Variants in FAIM observed in about 807,000 individuals in gnomAD.
The protein encoded by FAIM is Fas apoptotic inhibitory molecule.
A neutral mutation model predicts 21.2 loss-of-function variants in FAIM; 14 were observed. The ratio of observed to expected loss-of-function variants is 0.66; its 90% CI spans 0.44 to 1.03. The LOEUF (loss-of-function observed/expected upper bound fraction) is 1.03. FAIM is among the 50% of genes least tolerant of loss of function. The pLI, the probability that FAIM is intolerant of heterozygous loss-of-function variation, is 0.00. For missense variants in FAIM, 222 were observed against 247.1 expected, an observed-to-expected ratio of 0.90 and a Z score of 0.68; for synonymous variants, 86 against 80.4, an observed-to-expected ratio of 1.07 and a Z score of -0.37.
chr3:138,633,093 TAAG>T lies in FAIM; in HGVS notation c.*18_*20del, dbSNP rs1223155292. 1.2e-6 allele frequency: 2 copies of T among 1,611,276 alleles called. No individual in the cohort carries two copies. The highest frequency in any genetic ancestry group is 8.5e-7 in the Non-Finnish European group (1 of 1,178,322). ...ATTGCAAGTTAATGAATTTTCATCT[TAAG>T]AAGTAAAGATCAGGACTTTTTAATT... is the stretch of plus-strand genomic sequence containing the variant. On this transcript the variant is annotated 3_prime_UTR_variant, in exon 6 of 6. Transcript: ENST00000360570.
chr3:138,619,690 T>G (rs778005257), intron 1 of FAIM, 21 bp from the exon 2 acceptor site: 1 of 1,609,594 alleles, frequency 6.2e-7, no homozygotes, highest in Admixed American at 1.7e-5. Flanking sequence ...TTTTCTTTCC[T>G]GGCTGCTAAT....
Position 138,629,095 on chromosome 3 carries a change from T to C in FAIM, c.407-12T>C. 2 of 1,592,630 alleles carry C rather than the reference T, an allele frequency of 1.3e-6. No individual in the cohort carries two copies. The highest frequency in any genetic ancestry group is 2.3e-5 in the South Asian group (2 of 88,342). ...AGAATTATAACTTAAAGTTTTTATGTTACCTTTACAGAAAAAGATGCTATG... is the reference window on the plus strand; with the variant it reads ...AGAATTATAACTTAAAGTTTTTATGCTACCTTTACAGAAAAAGATGCTATG... On this transcript the variant is annotated splice_polypyrimidine_tract_variant and intron_variant, in intron 4 of 5. Coordinates refer to ENST00000360570, the MANE Select transcript of FAIM (RefSeq NM_001033031.2).
In FAIM at chr3:138,632,911, T is replaced by C. The variant is rs2043021001; in HGVS notation, c.457-19T>C. The C allele has an allele frequency of 1.9e-6, 3 of 1,610,162 alleles. No homozygotes were observed. Among genetic ancestry groups the C allele is most frequent in the Non-Finnish European group, 2.5e-6 (3 of 1,178,376 alleles). On this transcript the variant is annotated intron_variant, in intron 5 of 5. Transcript: ENST00000360570. The stretch of plus-strand genomic sequence containing the variant: ...AAAAGTTTCTGCACCACTAATTCCT[T>C]CTTCTTTTGTTGCTCCAGGGTGAGT...
intron 5 of FAIM, among the ~76,000 whole-genome samples, chr3:138,631,357 A>G (rs1015083502): frequency 6.6e-6 from 1 of 152,200 alleles, no homozygotes; most frequent in Non-Finnish European, 1.5e-5. Flanking sequence ...CAAGGCTGCA[A>G]TGAACTACAG....
chr3:138,614,753 T>A (rs2108336866), intron 1 of FAIM, among the ~76,000 whole-genome samples: 1 of 152,096 alleles, frequency 6.6e-6, no homozygotes, highest in Middle Eastern at 3.4e-3. Flanking sequence ...CCAGCCTAGG[T>A]AACATGGTGA....
intron 1 of FAIM, among the ~76,000 whole-genome samples, chr3:138,614,680 C>T (rs2042807851): frequency 1.3e-5 from 2 of 152,176 alleles, no homozygotes; most frequent in African/African-American, 4.8e-5. Flanking sequence ...GTGACTCATG[C>T]CTGTAATCTC....
chr3:138,616,660 A>G (rs925745898), intron 1 of FAIM, among the ~76,000 whole-genome samples: 10 of 152,202 alleles, frequency 6.6e-5, no homozygotes, highest in African/African-American at 2.2e-4. Flanking sequence ...TGCACACTCC[A>G]AGGAGTAATT....
At position 138,632,091 on chromosome 3, in the gene FAIM, G is replaced by A. The variant is rs573225542; in HGVS notation, c.457-839G>A. Among the ~76,000 whole-genome samples, 5 of 150,998 alleles carry A rather than the reference G, an allele frequency of 3.3e-5. No homozygotes were observed. The South Asian group carries it at 6.3e-4, about 19-fold the overall frequency. On this transcript the variant is annotated intron_variant, in intron 5 of 5. Transcript: ENST00000360570. ...TCTTCTTTCTTCCTTCCTTCTCTGC[G>A]CTACCTGGCGCTAATCTTTTTACTC...
intron 1 of FAIM, among the ~76,000 whole-genome samples, chr3:138,618,416 C>T (rs982015215): frequency 6.6e-6 from 1 of 152,042 alleles, no homozygotes; most frequent in Non-Finnish European, 1.5e-5. Flanking sequence ...CCTGTAATCC[C>T]AGCACTTTGG....
intron 1 of FAIM, among the ~76,000 whole-genome samples, chr3:138,609,578 A>ACTCTCTCTCTCTCGACTCT (rs2042740093): frequency 2.1e-4 from 1 of 4,700 alleles, no homozygotes; most frequent in Non-Finnish European, 4.1e-4. Context: ...CTCTCTCTCG[A>ACTCTCTCTCTCTCGACTCT]CTCTCTCTCT....
intron 1 of FAIM, among the ~76,000 whole-genome samples, chr3:138,609,644 C>G (rs2108329199): frequency 7.4e-6 from 1 of 134,724 alleles, no homozygotes; most frequent in African/African-American, 2.9e-5. Flanking sequence ...TCTCTCTCGA[C>G]TGTACATTCC....
In FAIM at chr3:138,621,171, C is replaced by CT. The variant is rs546863159; in HGVS notation, c.45-228dup. On this transcript the variant is annotated intron_variant, in intron 2 of 5. Transcript: ENST00000360570. The stretch of plus-strand genomic sequence containing the variant: ...CTTAATCCTATTAATATTAAGGTGG[C>CT]TTTTTTTTAGAAGTAATCGGACTAT... 4.4e-4 allele frequency: 204 copies of CT among 468,684 alleles called. No individual in the cohort carries two copies. In the East Asian group the frequency reaches 5.2e-3, roughly 12 times the overall value. The allele number at this position is 468,684 out of a possible 1,614,324, so 29.0% of individuals were successfully genotyped here.
chr3:138,613,011 C>T (rs1418571113), intron 1 of FAIM, among the ~76,000 whole-genome samples: 5 of 142,050 alleles, frequency 3.5e-5, no homozygotes, highest in African/African-American at 7.9e-5. Context: ...AGTCCTTTGC[C>T]TTTTTTTTTT....
intron 1 of FAIM, among the ~76,000 whole-genome samples, chr3:138,612,397 G>A (rs954946420): frequency 1.3e-5 from 2 of 151,992 alleles, no homozygotes; most frequent in African/African-American, 2.4e-5. Context: ...CACCGCGCCC[G>A]GCCTTGTCTG....
chr3:138,629,099 C>A lies in FAIM; in HGVS notation c.407-8C>A. 2 of 1,595,992 alleles carry A rather than the reference C, an allele frequency of 1.3e-6. No homozygotes were observed. Among genetic ancestry groups the A allele is most frequent in the Non-Finnish European group, 1.7e-6 (2 of 1,171,572 alleles). On this transcript the variant is annotated splice_polypyrimidine_tract_variant and splice_region_variant and intron_variant, in intron 4 of 5. Transcript: ENST00000360570. ...TTATAACTTAAAGTTTTTATGTTAC[C>A]TTTACAGAAAAAGATGCTATGGACG...
Position 138,622,433 on chromosome 3 carries a change from T to C in FAIM, c.406+17T>C. 1.3e-6 allele frequency: 2 copies of C among 1,495,472 alleles called. No homozygotes were observed. Among genetic ancestry groups the C allele is most frequent in the Non-Finnish European group, 1.8e-6 (2 of 1,110,220 alleles). 92.6% of individuals were successfully genotyped at this position (1,495,472 alleles called of 1,614,324 possible). On this transcript the variant is annotated intron_variant, in intron 4 of 5. Coordinates refer to ENST00000360570, the MANE Select transcript of FAIM (RefSeq NM_001033031.2). ...TTGTTTTGGGTAAGTTAGTGCTGTT[T>C]CCGCAGAACTTTTTTTTTTTTTTTA...
rs561144946 is a variant in FAIM, at chr3:138,629,206, T to C, written c.456+50T>C. The C allele has an allele frequency of 7.1e-6, 10 of 1,415,956 alleles. No homozygotes were observed. In the African/African-American group the frequency reaches 1.2e-4, roughly 17 times the overall value. The allele number at this position is 1,415,956 out of a possible 1,614,324, so 87.7% of individuals were successfully genotyped here. On this transcript the variant is annotated intron_variant, in intron 5 of 5. Transcript: ENST00000360570. ...AAGTGCCATGTGTCTCAGTTACCAT[T>C]GAATTGTTGCTGCATTTCCTAATTA...
chr3:138,617,734 C>A (rs1376564702), intron 1 of FAIM, among the ~76,000 whole-genome samples: 1 of 141,382 alleles, frequency 7.1e-6, no homozygotes, highest in African/African-American at 2.6e-5. Flanking sequence ...TGTGTATATA[C>A]GTGTGTGTGT....
chr3:138,610,012 A>AC (rs1296019213), intron 1 of FAIM, among the ~76,000 whole-genome samples: 2 of 151,754 alleles, frequency 1.3e-5, no homozygotes, highest in African/African-American at 4.8e-5. Flanking sequence ...TTTACTGGAG[A>AC]CCCCCCTCAC....
Sources: gnomAD v4.1 joint callset for allele counts (sites outside exome capture counted in the v4.1 genomes callset) on GRCh38, gnomAD v4.1.1 for gene constraint, MANE v1.5 for transcripts, NCBI Gene and HGNC (gene_info 2026-07-23, HGNC 2026-07-21) for gene names.